The following ABCG2 variants were observed in gnomAD, a reference collection of about 807,000 sequenced individuals.
The protein encoded by ABCG2 is ATP binding cassette subfamily G member 2 (JR blood group), also known as broad substrate specificity ATP-binding cassette transporter ABCG2.
ABCG2 carries 80 observed loss-of-function variants against 73.5 expected under a neutral mutation model. The observed-to-expected ratio is 1.09, with a 90% confidence interval of 0.91 to 1.31. The LOEUF is 1.31. ABCG2 is among the 50% of genes most tolerant of loss of function. The pLI is 0.00. For missense variants in ABCG2, 796 were observed against 786.2 expected (o/e 1.01, Z -0.15); for synonymous variants, 269 against 282.4 (o/e 0.95, Z 0.48).
intron 1 of ABCG2, among the ~76,000 whole-genome samples, chr4:88,150,183 G>A (rs1726356569): frequency 6.6e-6 from 1 of 151,972 alleles, no homozygotes; most frequent in Non-Finnish European, 1.5e-5. Flanking sequence ...CGGGTGTGGT[G>A]GCGCATACCT....
At chr4:88,156,363 T>A (rs1351380698) in intron 1 of ABCG2, among the ~76,000 whole-genome samples, 1 of 82,632 alleles carries the variant, frequency 1.2e-5, no homozygotes, top group East Asian at 3.7e-4. Context: ...CGACAAAGAC[T>A]CCGTCTCAAA....
intron 1 of ABCG2, among the ~76,000 whole-genome samples, chr4:88,156,908 C>A (rs140705373): frequency 6.6e-6 from 1 of 152,104 alleles, no homozygotes; most frequent in Non-Finnish European, 1.5e-5. Flanking sequence ...AGTTCGAGAC[C>A]AGCCTGGCCA....
intron 1 of ABCG2, among the ~76,000 whole-genome samples, chr4:88,220,194 T>C (rs1220608983): frequency 2.0e-5 from 3 of 152,360 alleles, no homozygotes; most frequent in East Asian, 1.9e-4. Flanking sequence ...TCTCTGTGTA[T>C]ACCACATTTT....
chr4:88,192,041 G>A (rs778611547), intron 1 of ABCG2, among the ~76,000 whole-genome samples: 2 of 151,998 alleles, frequency 1.3e-5, no homozygotes, highest in Admixed American at 6.5e-5. Flanking sequence ...GCATGGTGGC[G>A]CATGCCTGTA....
intron 1 of ABCG2, among the ~76,000 whole-genome samples, chr4:88,177,377 T>TAA (rs200529104): frequency 1.5e-5 from 2 of 135,010 alleles, no homozygotes; most frequent in African/African-American, 2.6e-5. Context: ...CGTCTCAAAA[T>TAA]AAAAAAAAAT....
chr4:88,216,560 C>A (rs1313919745), intron 1 of ABCG2, among the ~76,000 whole-genome samples: 5 of 152,148 alleles, frequency 3.3e-5, no homozygotes, highest in Non-Finnish European at 7.4e-5. Flanking sequence ...TGTAACTATA[C>A]CTACTGCTGA....
chr4:88,185,277 T>G (rs1413533659), intron 1 of ABCG2, among the ~76,000 whole-genome samples: 1 of 152,204 alleles, frequency 6.6e-6, no homozygotes, highest in African/African-American at 2.4e-5. Context: ...GGGAGGAGAA[T>G]TGCTTGAACT....
At chr4:88,143,800 A>G (rs1725792781) in intron 1 of ABCG2, among the ~76,000 whole-genome samples, 1 of 140,732 alleles carries the variant, frequency 7.1e-6, no homozygotes, top group Non-Finnish European at 1.5e-5. Flanking sequence ...AAAAGAAAGG[A>G]AAAAAAACAA....
chr4:88,152,800 T>TG (rs1359733089), intron 1 of ABCG2, among the ~76,000 whole-genome samples: 1 of 151,922 alleles, frequency 6.6e-6, no homozygotes, highest in East Asian at 1.9e-4. Flanking sequence ...TGAAAATTTT[T>TG]GGGGGGTGGT....
intron 3 of ABCG2, among the ~76,000 whole-genome samples, chr4:88,132,242 C>A (rs1724943985): frequency 6.6e-6 from 1 of 152,154 alleles, no homozygotes; most frequent in South Asian, 2.1e-4. Context: ...GCAATGTGCT[C>A]TTTTATCTAA....
intron 1 of ABCG2, among the ~76,000 whole-genome samples, chr4:88,196,902 C>A (rs1216399547): frequency 1.3e-5 from 2 of 151,894 alleles, no homozygotes; most frequent in African/African-American, 4.8e-5. Flanking sequence ...GATAAACTAT[C>A]TTATCAGAGG....
At chr4:88,185,271 G>C (rs992969238) in intron 1 of ABCG2, among the ~76,000 whole-genome samples, 1 of 152,182 alleles carries the variant, frequency 6.6e-6, no homozygotes, top group Non-Finnish European at 1.5e-5. Flanking sequence ...GGCTGAGGGA[G>C]GAGAATTGCT....
chr4:88,178,784 A>C (rs1728111997), intron 1 of ABCG2, among the ~76,000 whole-genome samples: 1 of 152,208 alleles, frequency 6.6e-6, no homozygotes. Flanking sequence ...CTGAGACAGT[A>C]CTGGGCAGTA....
At chr4:88,130,163 C>T (rs1442116146) in intron 5 of ABCG2, among the ~76,000 whole-genome samples, 2 of 152,098 alleles carry the variant, frequency 1.3e-5, no homozygotes, top group East Asian at 3.9e-4. Context: ...TCTGGGGAAC[C>T]AGGATGCACA....
intron 9 of ABCG2, among the ~76,000 whole-genome samples, chr4:88,108,631 A>T (rs1722917727): frequency 6.6e-6 from 1 of 152,222 alleles, no homozygotes; most frequent in Non-Finnish European, 1.5e-5. Flanking sequence ...AAGTTAAAAA[A>T]ACAAAATCTC....
At chr4:88,137,415 A>G (rs916657588) in intron 2 of ABCG2, among the ~76,000 whole-genome samples, 16 of 152,214 alleles carry the variant, frequency 1.1e-4, no homozygotes, top group African/African-American at 3.6e-4. Context: ...TCAATTACCA[A>G]GGGGAAAGGG....
chr4:88,137,149 G>GAGTATGA (rs1725315397), intron 2 of ABCG2, among the ~76,000 whole-genome samples: 1 of 152,134 alleles, frequency 6.6e-6, no homozygotes, highest in Non-Finnish European at 1.5e-5. Context: ...GGAACAATAA[G>GAGTATGA]AGTATGAAGG....
chr4:88,155,065 G>T (rs1726844686), intron 1 of ABCG2, among the ~76,000 whole-genome samples: 2 of 152,156 alleles, frequency 1.3e-5, no homozygotes, highest in African/African-American at 4.8e-5. Flanking sequence ...ATGAGTCAGG[G>T]AGAGCTAGGG....
chr4:88,136,247 T>C (rs1306143246), intron 2 of ABCG2, among the ~76,000 whole-genome samples: 4 of 152,214 alleles, frequency 2.6e-5, no homozygotes, highest in South Asian at 2.1e-4. Flanking sequence ...TATGCGTATG[T>C]GTGTAGACGT....
Sources: gnomAD v4.1 joint callset for allele counts (sites outside exome capture counted in the v4.1 genomes callset) on GRCh38, gnomAD v4.1.1 for gene constraint, MANE v1.5 for transcripts, NCBI Gene and HGNC (gene_info 2026-07-23, HGNC 2026-07-21) for gene names.